The following MAP6D1 variants were observed in gnomAD, a reference collection of about 807,000 sequenced individuals.
The protein encoded by MAP6D1 is MAP6 domain containing 1.
In MAP6D1, 13 loss-of-function variants were observed where a neutral mutation model predicts 17.4. The observed-to-expected ratio is 0.75, with a 90% confidence interval of 0.49 to 1.19. The LOEUF is 1.19. Ranked by LOEUF, MAP6D1 falls within the 50% of genes most tolerant of loss-of-function variation. The pLI, the probability that MAP6D1 is intolerant of heterozygous loss-of-function variation, is 0.00. For synonymous variants in MAP6D1, 141 were observed against 145.7 expected (o/e 0.97, Z 0.23); for missense variants, 313 against 312.6 (o/e 1.00, Z -0.01).
At chr3:183,824,790 G>A (rs1048544603) in intron 1 of MAP6D1, among the ~76,000 whole-genome samples, 2 of 152,246 alleles carry the variant, frequency 1.3e-5, no homozygotes, top group Non-Finnish European at 2.9e-5. Context: ...TGGCCTGCGC[G>A]CACCCCTCGC....
intron 1 of MAP6D1, among the ~76,000 whole-genome samples, chr3:183,823,590 G>C (rs976058935): frequency 6.6e-6 from 1 of 151,750 alleles, no homozygotes; most frequent in Non-Finnish European, 1.5e-5. Flanking sequence ...GACAGAGCGA[G>C]ACTCTGTCTC....
chr3:183,821,141 A>G (rs1019635737), intron 1 of MAP6D1, among the ~76,000 whole-genome samples: 2 of 151,926 alleles, frequency 1.3e-5, no homozygotes, highest in African/African-American at 4.8e-5. Context: ...CTGAATTTAC[A>G]CACCAGGAGG....
At chr3:183,824,562 T>C (rs967249429) in intron 1 of MAP6D1, among the ~76,000 whole-genome samples, 5 of 152,174 alleles carry the variant, frequency 3.3e-5, no homozygotes, top group East Asian at 1.9e-4. Context: ...TTTTCTACAG[T>C]ATGAATTACT....
At chr3:183,822,383 G>A (rs1315173285) in intron 1 of MAP6D1, among the ~76,000 whole-genome samples, 1 of 152,052 alleles carries the variant, frequency 6.6e-6, no homozygotes, top group Non-Finnish European at 1.5e-5. Flanking sequence ...TGAGGCTGCA[G>A]TGAACTGAGA....
chr3:183,825,114 G>A, intron 1 of MAP6D1, 33 bp downstream of exon 1: 1 of 1,362,386 alleles, frequency 7.3e-7, no homozygotes, highest in Non-Finnish European at 9.5e-7. Flanking sequence ...ACCACAGGGT[G>A]GGGACTCGTT....
intron 1 of MAP6D1, among the ~76,000 whole-genome samples, chr3:183,819,256 C>T (rs1158627123): frequency 6.6e-6 from 1 of 152,254 alleles, no homozygotes; most frequent in Non-Finnish European, 1.5e-5. Context: ...AGGAGGAGAG[C>T]TAGGCCGGGG....
In MAP6D1 at chr3:183,825,318, G is replaced by T; in HGVS notation, c.230C>A (p.Thr77Asn). The T allele has an allele frequency of 7.3e-7, 1 of 1,363,128 alleles. No homozygotes were observed. Among genetic ancestry groups the T allele is most frequent in the Non-Finnish European group, 9.4e-7 (1 of 1,059,774 alleles). The allele number at this position is 1,363,128 out of a possible 1,614,324, so 84.4% of individuals were successfully genotyped here. A position where few individuals can be genotyped will look rare whatever the true frequency, so the allele number is the denominator to read the frequency against. ...TQYQRDFGLWTTPAGPKDPPP... is the reference protein window; with the variant it reads ...TQYQRDFGLWNTPAGPKDPPP... Reference sequence around the variant, plus strand: ...CGGATCCTTGGGCCCGGCGGGCGTGGTCCACAAGCCGAAGTCCCGCTGGTA... The same window carrying T: ...CGGATCCTTGGGCCCGGCGGGCGTGTTCCACAAGCCGAAGTCCCGCTGGTA... Residue 77 changes from threonine to asparagine, a missense_variant, in exon 1 of 3, where the codon ACC (threonine) becomes AAC (asparagine). Physicochemically the swap from Thr to Asn is moderately conservative, Grantham distance 65. Transcript: ENST00000318631.
At chr3:183,824,245 C>T (rs1290578307) in intron 1 of MAP6D1, among the ~76,000 whole-genome samples, 2 of 152,146 alleles carry the variant, frequency 1.3e-5, no homozygotes, top group African/African-American at 4.8e-5. Context: ...AAAAGTAGTG[C>T]TTTTAATAGT....
chr3:183,821,646 A>G (rs1488161710), intron 1 of MAP6D1, among the ~76,000 whole-genome samples: 1 of 149,642 alleles, frequency 6.7e-6, no homozygotes, highest in Non-Finnish European at 1.5e-5. Flanking sequence ...CCTGGGTTCA[A>G]TGGATTCTCC....
At chr3:183,821,541 CTTTT>C (rs59131602) in intron 1 of MAP6D1, among the ~76,000 whole-genome samples, 1 of 98,124 alleles carries the variant, frequency 1.0e-5, no homozygotes, top group Admixed American at 1.3e-4. Flanking sequence ...TGAGGGATTG[CTTTT>C]TTTTTTTTTT....
chr3:183,821,824 G>A lies in MAP6D1; in HGVS notation c.401+3323C>T, dbSNP rs141032861. 4.0e-5 allele frequency among the ~76,000 whole-genome samples: 6 copies of A among 151,888 alleles called. No individual in the cohort carries two copies. The East Asian group carries it at 7.8e-4, about 20-fold the overall frequency. On this transcript the variant is annotated intron_variant, in intron 1 of 2. Transcript: ENST00000318631. Reference sequence around the variant, plus strand: ...GTTATAGGGGTGAGCCACCACGCCCGGCCTAATTTTTATATTTTTAGTAGA... The same window carrying A: ...GTTATAGGGGTGAGCCACCACGCCCAGCCTAATTTTTATATTTTTAGTAGA...
At chr3:183,817,484 C>T in intron 2 of MAP6D1, 48 bp from the exon 3 acceptor site, 2 of 1,480,894 alleles carry the variant, frequency 1.4e-6, no homozygotes, top group Non-Finnish European at 1.8e-6. Context: ...TTCCTTAACT[C>T]CCTACTCTTC....
rs1448178502 is a variant in MAP6D1, at chr3:183,825,537, G to A, written c.11C>T (p.Pro4Leu). ...CAGGCAGCACAGGCGGCTGATACAGGGCCACGCCATGCCAGCCCCGGCGCC... is the reference window on the plus strand; with the variant it reads ...CAGGCAGCACAGGCGGCTGATACAGAGCCACGCCATGCCAGCCCCGGCGCC... MAW[P>L]CISRLCCLAR... Residue 4 changes from proline to leucine, a missense_variant, in exon 1 of 3, where the codon CCC (proline) becomes CTC (leucine). Pro to Leu is a moderately conservative substitution (Grantham distance 98). Coordinates refer to ENST00000318631, the MANE Select transcript of MAP6D1 (RefSeq NM_024871.4). The A allele has an allele frequency of 3.1e-6, 4 of 1,279,674 alleles. No homozygotes were observed. Among genetic ancestry groups the A allele is most frequent in the African/African-American group, 1.6e-5 (1 of 64,436 alleles). The allele number at this position is 1,279,674 out of a possible 1,614,324, so 79.3% of individuals were successfully genotyped here. A position where few individuals can be genotyped will look rare whatever the true frequency, so the allele number is the denominator to read the frequency against.
At chr3:183,821,171 C>T (rs1035675958) in intron 1 of MAP6D1, among the ~76,000 whole-genome samples, 4 of 152,186 alleles carry the variant, frequency 2.6e-5, no homozygotes, top group African/African-American at 7.2e-5. Context: ...CAACAAGCCC[C>T]GACTCCTGTC....
At chr3:183,818,477 G>A (rs951733647) in intron 1 of MAP6D1, among the ~76,000 whole-genome samples, 1 of 152,172 alleles carries the variant, frequency 6.6e-6, no homozygotes, top group Admixed American at 6.5e-5. Context: ...AACAGCACCT[G>A]GCACTGCTGG....
chr3:183,822,759 A>G (rs930673299), intron 1 of MAP6D1, among the ~76,000 whole-genome samples: 2 of 152,234 alleles, frequency 1.3e-5, no homozygotes, highest in Non-Finnish European at 2.9e-5. Flanking sequence ...GCCCTAGACT[A>G]GCCAGCTGGA....
Position 183,825,525 on chromosome 3 carries a change from C to T in MAP6D1, c.23G>A (p.Arg8His). The change falls in exon 1 of 3, where the codon CGC (arginine) becomes CAC (histidine). Residue 8 changes from arginine to histidine, a missense_variant. Physicochemically the swap from Arg to His is conservative, Grantham distance 29 (BLOSUM62 0). Transcript: ENST00000318631. Reference sequence around the variant, plus strand: ...CCAGCGCCGCGCCAGGCAGCACAGGCGGCTGATACAGGGCCACGCCATGCC... The same window carrying T: ...CCAGCGCCGCGCCAGGCAGCACAGGTGGCTGATACAGGGCCACGCCATGCC... MAWPCIS[R>H]LCCLARRWNQ... 2 of 1,381,752 alleles carry T rather than the reference C, an allele frequency of 1.4e-6. No individual in the cohort carries two copies. The highest frequency in any genetic ancestry group is 1.6e-5 in the South Asian group (1 of 63,828). The allele number at this position is 1,381,752 out of a possible 1,614,324, so 85.6% of individuals were successfully genotyped here.
At chr3:183,821,820 G>A (rs1057334551) in intron 1 of MAP6D1, among the ~76,000 whole-genome samples, 2 of 151,922 alleles carry the variant, frequency 1.3e-5, no homozygotes, top group Non-Finnish European at 2.9e-5. Flanking sequence ...GAGCCACCAC[G>A]CCCGGCCTAA....
Position 183,825,142 on chromosome 3 carries a change from C to T in MAP6D1, c.401+5G>A. ...GACTCGTTGCGGTCCCTACCCAGCC[C>T]ATACCTGTACGACGTGGTCACTGCT... On this transcript the variant is annotated splice_donor_5th_base_variant and intron_variant, in intron 1 of 2. Transcript: ENST00000318631. The T allele has an allele frequency of 6.9e-7, 1 of 1,444,046 alleles. No individual in the cohort carries two copies. Among genetic ancestry groups the T allele is most frequent in the Non-Finnish European group, 9.1e-7 (1 of 1,095,598 alleles). 89.5% of individuals were successfully genotyped at this position (1,444,046 alleles called of 1,614,324 possible). A position where few individuals can be genotyped will look rare whatever the true frequency, so the allele number is the denominator to read the frequency against.
Sources: allele counts gnomAD v4.1 joint callset (sites outside exome capture counted in the v4.1 genomes callset), GRCh38; gene constraint gnomAD v4.1.1; transcripts MANE v1.5; gene names NCBI Gene and HGNC (gene_info 2026-07-23, HGNC 2026-07-21).